TPH1: variants seen among roughly 807,000 people sequenced by gnomAD.
TPH1 encodes tryptophan 5-hydroxylase 1.
Under a neutral mutation model 49.5 loss-of-function variants are expected in TPH1, and 37 were observed. That is an observed-to-expected ratio of 0.75 (90% confidence interval 0.58 to 0.98). The LOEUF is 0.98. Among genes scored for constraint, TPH1 ranks in the 50% least tolerant of loss-of-function variants. The pLI, the probability that TPH1 is intolerant of heterozygous loss-of-function variation, is 0.00. For synonymous variants in TPH1, 160 were observed against 182.1 expected, an observed-to-expected ratio of 0.88 and a Z score of 0.98; for missense variants, 487 against 523.6, an observed-to-expected ratio of 0.93 and a Z score of 0.68.
chr11:18,024,496 T>C (rs1847908018), intron 8 of TPH1, among the ~76,000 whole-genome samples: 1 of 152,200 alleles, frequency 6.6e-6, no homozygotes, highest in Non-Finnish European at 1.5e-5. Context: ...ATGAGTTACA[T>C]CAGCTTCATG....
At chr11:18,035,080 G>C (rs540677586) in intron 3 of TPH1, among the ~76,000 whole-genome samples, 32 of 152,352 alleles carry the variant, frequency 2.1e-4, no homozygotes, top group African/African-American at 5.5e-4. Context: ...AAGGATCGCC[G>C]GGCCTGCTGC....
At chr11:18,041,036 T>C in intron 1 of TPH1, 1 of 331,282 alleles carries the variant, frequency 3.0e-6, no homozygotes. Context: ...CAATCGCTCT[T>C]TTAGGGCATG....
At chr11:18,043,764 G>A (rs1177037423) in intron 1 of TPH1, among the ~76,000 whole-genome samples, 4 of 152,136 alleles carry the variant, frequency 2.6e-5, no homozygotes, top group African/African-American at 9.7e-5. Context: ...TACTAGGGAG[G>A]CTGAGGCAGG....
At chr11:18,042,455 G>T in intron 1 of TPH1, 2 of 395,722 alleles carry the variant, frequency 5.1e-6, no homozygotes, top group South Asian at 1.9e-5. Flanking sequence ...AACAATAAAA[G>T]AGATGCAAAA....
chr11:18,021,226 C>A lies in TPH1; in HGVS notation c.1161-61G>T, dbSNP rs924538890. 46 of 1,515,428 alleles carry A rather than the reference C, an allele frequency of 3.0e-5. No individual in the cohort carries two copies. In the African/African-American group the frequency reaches 5.6e-4, roughly 18 times the overall value. The allele number at this position is 1,515,428 out of a possible 1,614,324, so 93.9% of individuals were successfully genotyped here. Reference sequence around the variant, plus strand: ...TAGGGAGTGAATGATGAAAACTAAACAAACAACAGAATATATTTCACATAC... The same window carrying A: ...TAGGGAGTGAATGATGAAAACTAAAAAAACAACAGAATATATTTCACATAC... On this transcript the variant is annotated intron_variant, in intron 10 of 10. Transcript: ENST00000682019.
At chr11:18,024,534 T>C (rs1335898620) in intron 8 of TPH1, among the ~76,000 whole-genome samples, 2 of 152,192 alleles carry the variant, frequency 1.3e-5, no homozygotes, top group Non-Finnish European at 2.9e-5. Context: ...AAGCATTGAA[T>C]ATCTTAACAG....
chr11:18,044,937 T>C (rs1477551582), intron 1 of TPH1, among the ~76,000 whole-genome samples: 1 of 152,132 alleles, frequency 6.6e-6, no homozygotes, highest in Admixed American at 6.5e-5. Flanking sequence ...TCCTACTGCG[T>C]CTCCTGGCCT....
At chr11:18,032,645 A>G (rs996909402) in intron 4 of TPH1, among the ~76,000 whole-genome samples, 1 of 139,922 alleles carries the variant, frequency 7.1e-6, no homozygotes, top group Non-Finnish European at 1.5e-5. Context: ...TCCCAGGTTC[A>G]CGCCATTCTC....
At chr11:18,044,294 C>A (rs187023453) in intron 1 of TPH1, among the ~76,000 whole-genome samples, 1 of 151,704 alleles carries the variant, frequency 6.6e-6, no homozygotes, top group Admixed American at 6.6e-5. Context: ...TGGTGGCGGG[C>A]GCCTGTAGTC....
intron 6 of TPH1, 86 bp from the exon 7 acceptor site, chr11:18,026,711 T>A: frequency 6.6e-7 from 1 of 1,519,320 alleles, no homozygotes; most frequent in Non-Finnish European, 9.1e-7. Context: ...TGGCACCAAG[T>A]AACACGTTGA....
At chr11:18,031,884 G>C (rs1034450524) in intron 4 of TPH1, among the ~76,000 whole-genome samples, 9 of 151,950 alleles carry the variant, frequency 5.9e-5, no homozygotes, top group African/African-American at 2.2e-4. Context: ...GTATTTTGAG[G>C]CAATTTTTTC....
rs1242152601 is a variant in TPH1, at chr11:18,020,468, T to C, written c.*523A>G. On this transcript the variant is annotated 3_prime_UTR_variant, in exon 11 of 11. Coordinates refer to ENST00000682019, the MANE Select transcript of TPH1 (RefSeq NM_004179.3). ...AAGGCCTCTATACTTTTGCTCATGC[T>C]AGCAACAAAGACAGCAGGGTCTCCT... 2 of 162,110 alleles carry C rather than the reference T, an allele frequency of 1.2e-5. No homozygotes were observed. The highest frequency in any genetic ancestry group is 1.2e-4 in the Admixed American group (2 of 17,294). 10.0% of individuals were successfully genotyped at this position (162,110 alleles called of 1,614,324 possible).
At chr11:18,039,470 TC>T (rs1439917046) in intron 2 of TPH1, among the ~76,000 whole-genome samples, 5 of 152,210 alleles carry the variant, frequency 3.3e-5, no homozygotes, top group African/African-American at 1.2e-4. Flanking sequence ...ACAGTGGTGT[TC>T]TGCTATCACA....
chr11:18,037,370 A>AT (rs1564859370), intron 2 of TPH1, among the ~76,000 whole-genome samples: 1 of 151,980 alleles, frequency 6.6e-6, no homozygotes, highest in Non-Finnish European at 1.5e-5. Flanking sequence ...AAAAAAAAAA[A>AT]AAAATATTAT....
intron 1 of TPH1, among the ~76,000 whole-genome samples, chr11:18,045,273 A>C (rs1352171586): frequency 1.3e-5 from 2 of 152,218 alleles, no homozygotes; most frequent in Non-Finnish European, 2.9e-5. Flanking sequence ...AATGAGGATG[A>C]AAGTGTAGAT....
rs758771638 is a variant in TPH1, at chr11:18,019,273, A to G, written c.*1718T>C. The G allele has an allele frequency of 6.8e-5, 11 of 161,764 alleles. No homozygotes were observed. Among genetic ancestry groups the G allele is most frequent in the Non-Finnish European group, 1.2e-4 (9 of 74,206 alleles). 10.0% of individuals were successfully genotyped at this position (161,764 alleles called of 1,614,324 possible). A position where few individuals can be genotyped will look rare whatever the true frequency, so the allele number is the denominator to read the frequency against. The stretch of plus-strand genomic sequence containing the variant: ...AATAAAACACATTAAATGGTATACA[A>G]TTTATTTATGTGAAGAAAAAGCCTA... On this transcript the variant is annotated 3_prime_UTR_variant, in exon 11 of 11. Coordinates refer to ENST00000682019, the MANE Select transcript of TPH1 (RefSeq NM_004179.3).
chr11:18,034,851 G>T (rs902519706), intron 3 of TPH1, among the ~76,000 whole-genome samples: 3 of 152,030 alleles, frequency 2.0e-5, no homozygotes, highest in Middle Eastern at 3.4e-3. Flanking sequence ...AGGCTTTATT[G>T]TTTCCCATTT....
At chr11:18,034,231 A>G (rs1333459959) in intron 3 of TPH1, among the ~76,000 whole-genome samples, 1 of 152,168 alleles carries the variant, frequency 6.6e-6, no homozygotes, top group East Asian at 1.9e-4. Flanking sequence ...CTCGTCATCT[A>G]TACACCTCTG....
chr11:18,029,655 T>A, intron 4 of TPH1, 76 bp from the exon 5 acceptor site: 1 of 1,180,210 alleles, frequency 8.5e-7, no homozygotes, highest in Non-Finnish European at 1.3e-6. Flanking sequence ...AACATTTCAT[T>A]ATTACTAGAG....
Sources: gnomAD v4.1 joint callset for allele counts (sites outside exome capture counted in the v4.1 genomes callset) on GRCh38, gnomAD v4.1.1 for gene constraint, MANE v1.5 for transcripts, NCBI Gene and HGNC (gene_info 2026-07-23, HGNC 2026-07-21) for gene names.